FIG4: variants seen among roughly 807,000 people sequenced by gnomAD.
FIG4 encodes FIG4 phosphoinositide 5-phosphatase, also known as polyphosphoinositide phosphatase.
In FIG4, 112 loss-of-function variants were observed where a neutral mutation model predicts 118.6. The ratio of observed to expected loss-of-function variants is 0.94; its 90% CI spans 0.81 to 1.11. FIG4 has a LOEUF of 1.11. Ranked by LOEUF, FIG4 falls within the 50% of genes least tolerant of loss-of-function variation. The pLI is 0.00. For missense variants in FIG4, 969 were observed against 1,111.7 expected, an observed-to-expected ratio of 0.87 and a Z score of 1.83; for synonymous variants, 369 against 381.2, an observed-to-expected ratio of 0.97 and a Z score of 0.37.
rs991272081 is a variant in FIG4, at chr6:109,760,344, T to C, written c.1232T>C (p.Ile411Thr). The C allele has an allele frequency of 6.2e-6, 10 of 1,612,982 alleles. No individual in the cohort carries two copies. The East Asian group carries it at 2.2e-4, about 36-fold the overall frequency. Residue 411 changes from isoleucine (I) to threonine (T), a missense_variant, in exon 11 of 23, where the codon ATT (isoleucine) becomes ACT (threonine). Around this residue, in one of 3 missense-constraint regions of FIG4, gnomAD observed 246 missense variants for 354.3 expected, o/e 0.69. Transcript: ENST00000230124. The stretch of plus-strand genomic sequence containing the variant: ...CAATTTTTGCCTCCTGAGCACACTA[T>C]TGTTTATATTCCCTGGGACATGGCC... ...LNQFLPPEHT[I>T]VYIPWDMAKY...
intron 15 of FIG4, among the ~76,000 whole-genome samples, chr6:109,769,258 G>A (rs1381428706): frequency 6.6e-6 from 1 of 151,822 alleles, no homozygotes; most frequent in African/African-American, 2.4e-5. Context: ...TAAGACTAGA[G>A]GACGGACAGA....
intron 22 of FIG4, among the ~76,000 whole-genome samples, chr6:109,802,620 C>A (rs987085072): frequency 2.3e-4 from 35 of 152,356 alleles, no homozygotes; most frequent in African/African-American, 7.5e-4. Context: ...GAATGCATCT[C>A]TTCTGGATCC....
rs533463810 is a variant in FIG4 at position 109,776,179 on chromosome 6, T to C, written c.1751-743T>C. Among the ~76,000 whole-genome samples the C allele has an allele frequency of 5.3e-5, 8 of 152,278 alleles. No individual in the cohort carries two copies. The East Asian group carries it at 1.5e-3, about 29-fold the overall frequency. On this transcript the variant is annotated intron_variant, in intron 15 of 22. Transcript: ENST00000230124. ...CATGAGACCACTTCAGTGCATATTA[T>C]CATTGTTACCAAAAGATAATTAGGA...
chr6:109,801,136 A>G (rs1292452570), intron 22 of FIG4, among the ~76,000 whole-genome samples: 1 of 152,248 alleles, frequency 6.6e-6, no homozygotes, highest in Non-Finnish European at 1.5e-5. Flanking sequence ...TTCTAGGAAT[A>G]TGTCTCATTT....
intron 3 of FIG4, among the ~76,000 whole-genome samples, chr6:109,717,272 G>A (rs953865288): frequency 4.6e-5 from 7 of 152,122 alleles, no homozygotes; most frequent in African/African-American, 1.7e-4. Flanking sequence ...CTACTTCATA[G>A]TCCAAACGTG....
At chr6:109,824,170 G>A (rs79821177) in intron 22 of FIG4, among the ~76,000 whole-genome samples, 5,701 of 152,304 alleles carry the variant, frequency 0.037, 287 homozygotes, top group East Asian at 0.16. Flanking sequence ...CCCAAGTGGG[G>A]TGGGAATGGA....
At chr6:109,742,967 T>A in intron 8 of FIG4, 143 bp from the exon 9 acceptor site, 1 of 716,830 alleles carries the variant, frequency 1.4e-6, no homozygotes, top group South Asian at 1.8e-5. Context: ...TATTGAATAT[T>A]GATCAATATT....
chr6:109,743,004 G>GAATTA (rs1377102301), intron 8 of FIG4, 106 bp from the exon 9 acceptor site: 3 of 1,014,004 alleles, frequency 3.0e-6, no homozygotes, highest in Admixed American at 3.9e-5. Context: ...CAAAGAATAG[G>GAATTA]AATTATAACT....
At chr6:109,789,738 A>G in intron 19 of FIG4, 61 bp downstream of exon 19, 1 of 1,198,730 alleles carries the variant, frequency 8.3e-7, no homozygotes, top group Non-Finnish European at 1.2e-6. Flanking sequence ...TACTTGCAAT[A>G]TGATTTCCAC....
At chr6:109,720,647 C>G (rs2128382416) in intron 3 of FIG4, among the ~76,000 whole-genome samples, 1 of 152,322 alleles carries the variant, frequency 6.6e-6, no homozygotes, top group East Asian at 1.9e-4. Context: ...ATTCACTGAT[C>G]ATGCACACAG....
At chr6:109,699,748 C>T (rs1192172407) in intron 1 of FIG4, among the ~76,000 whole-genome samples, 3 of 152,142 alleles carry the variant, frequency 2.0e-5, no homozygotes, top group African/African-American at 7.2e-5. Context: ...AAGTGATTTG[C>T]CTGCCTCGGC....
Position 109,762,149 on chromosome 6 carries a change from A to T in FIG4, c.1330A>T (p.Thr444Ser), listed in dbSNP as rs1345372239. 1 of 1,613,734 alleles carries T rather than the reference A, an allele frequency of 6.2e-7. No homozygotes were observed. Among genetic ancestry groups the T allele is most frequent in the Non-Finnish European group, 8.5e-7 (1 of 1,179,746 alleles). The change falls in exon 12 of 23, where the codon ACA (threonine) becomes TCA (serine). Residue 444 changes from threonine (T) to serine (S), a missense_variant. This residue lies in a region of FIG4 where 246 missense variants were observed against 354.3 expected (regional missense o/e 0.69). Coordinates refer to ENST00000230124, the MANE Select transcript of FIG4 (RefSeq NM_014845.6). ...GATTGCAGAAAGTGTGGTGAAGAAA[A>T]CAGGTTTCTTTGTAAACCGCCCTGA... ...NVIAESVVKK[T>S]GFFVNRPDSY... is the part of the protein sequence containing the mutation.
intron 4 of FIG4, among the ~76,000 whole-genome samples, chr6:109,729,054 A>G (rs764040360): frequency 2.6e-5 from 4 of 152,178 alleles, no homozygotes; most frequent in Non-Finnish European, 4.4e-5. Flanking sequence ...ATACTTATAA[A>G]ACTATATAAT....
intron 11 of FIG4, among the ~76,000 whole-genome samples, chr6:109,760,852 C>G (rs1204396886): frequency 6.6e-6 from 1 of 152,154 alleles, no homozygotes; most frequent in Non-Finnish European, 1.5e-5. Context: ...AATTTTCATG[C>G]TCTGCCACAA....
intron 22 of FIG4, among the ~76,000 whole-genome samples, chr6:109,822,652 C>G (rs561851343): frequency 6.6e-6 from 1 of 151,834 alleles, no homozygotes; most frequent in Non-Finnish European, 1.5e-5. Context: ...CTCCAAACCC[C>G]ATATGCTCAT....
intron 10 of FIG4, among the ~76,000 whole-genome samples, chr6:109,756,498 G>A (rs895510175): frequency 6.6e-6 from 1 of 152,042 alleles, no homozygotes; most frequent in African/African-American, 2.4e-5. Flanking sequence ...TGCTAGATTG[G>A]GGAAGTTCTC....
intron 10 of FIG4, among the ~76,000 whole-genome samples, chr6:109,754,151 C>G (rs531588461): frequency 4.6e-5 from 7 of 151,940 alleles, no homozygotes; most frequent in African/African-American, 7.3e-5. Flanking sequence ...TAGCATGAAG[C>G]GTTGTTGAAT....
chr6:109,757,067 C>T lies in FIG4; in HGVS notation c.1138-3183C>T, dbSNP rs552958895. Among the ~76,000 whole-genome samples, 201 of 152,234 alleles carry T rather than the reference C, an allele frequency of 1.3e-3. 4 individuals carry two copies. Among genetic ancestry groups the T allele is most frequent in the Admixed American group, 0.013 (196 of 15,282 alleles). ...GCTGTAGACCGGAGCTGTTCCTATTCGGCCATCTTGGCTCCTCCCCCTCTC... is the reference window on the plus strand; with the variant it reads ...GCTGTAGACCGGAGCTGTTCCTATTTGGCCATCTTGGCTCCTCCCCCTCTC... On this transcript the variant is annotated intron_variant, in intron 10 of 22. Transcript: ENST00000230124.
chr6:109,819,661 G>A (rs1168551347), intron 22 of FIG4, among the ~76,000 whole-genome samples: 1 of 151,986 alleles, frequency 6.6e-6, no homozygotes, highest in Non-Finnish European at 1.5e-5. Flanking sequence ...TAGAAACGGG[G>A]TTTCACCATA....
Sources: gnomAD v4.1 joint callset for allele counts (sites outside exome capture counted in the v4.1 genomes callset) on GRCh38, gnomAD v4.1.1 for gene constraint, gnomAD v4.1.1 regional missense constraint, MANE v1.5 for transcripts, NCBI Gene and HGNC (gene_info 2026-07-23, HGNC 2026-07-21) for gene names.